Variants in DGLUCY observed in about 807,000 individuals in gnomAD.
DGLUCY encodes the protein D-glutamate cyclase, mitochondrial.
In DGLUCY, 58 loss-of-function variants were observed where a neutral mutation model predicts 58.5. That is an observed-to-expected ratio of 0.99 (90% confidence interval 0.80 to 1.23). DGLUCY has a LOEUF of 1.23. DGLUCY is among the 50% of genes most tolerant of loss of function. The pLI is 0.00. For missense variants in DGLUCY, 779 were observed against 784.7 expected (o/e 0.99, Z 0.09); for synonymous variants, 325 against 314.1 (o/e 1.03, Z -0.37).
intron 1 of DGLUCY, among the ~76,000 whole-genome samples, chr14:91,144,026 A>T (rs11621046): frequency 0.028 from 4,230 of 152,154 alleles, 94 homozygotes; most frequent in Non-Finnish European, 0.045. Flanking sequence ...TCCTCTTCCA[A>T]TCCAAACAGG....
chr14:91,195,216 G>T (rs79032092), intron 9 of DGLUCY, among the ~76,000 whole-genome samples: 1 of 152,174 alleles, frequency 6.6e-6, no homozygotes, highest in Admixed American at 6.5e-5. Flanking sequence ...GCTCCCTGCC[G>T]TCTTAAGCTC....
intron 12 of DGLUCY, among the ~76,000 whole-genome samples, chr14:91,209,786 T>A (rs1031218137): frequency 1.7e-4 from 26 of 152,174 alleles, no homozygotes; most frequent in African/African-American, 6.0e-4. Context: ...AGAAATTCAC[T>A]TTAACTGTAA....
chr14:91,116,626 G>A (rs780109265), intron 1 of DGLUCY, among the ~76,000 whole-genome samples: 17 of 152,094 alleles, frequency 1.1e-4, no homozygotes, highest in South Asian at 4.1e-4. Context: ...ATAGCAAAGT[G>A]GAAGTGAAAG....
At chr14:91,150,951 T>A (rs1232864263) in intron 1 of DGLUCY, among the ~76,000 whole-genome samples, 2 of 152,156 alleles carry the variant, frequency 1.3e-5, no homozygotes, top group Non-Finnish European at 2.9e-5. Context: ...CATTACACGG[T>A]AACTCCCCAT....
intron 13 of DGLUCY, chr14:91,216,225 G>GA: frequency 8.6e-5 from 1 of 11,570 alleles, no homozygotes; most frequent in Non-Finnish European, 1.7e-4. Context: ...TCAGACCGCA[G>GA]GCCCACAAGG....
intron 8 of DGLUCY, among the ~76,000 whole-genome samples, chr14:91,181,726 C>A (rs532378343): frequency 6.8e-6 from 1 of 146,838 alleles, no homozygotes; most frequent in Non-Finnish European, 1.5e-5. Flanking sequence ...CAGGCTGGAA[C>A]AATGGCGTGA....
chr14:91,176,763 G>A (rs1329135139), intron 7 of DGLUCY, among the ~76,000 whole-genome samples: 1 of 151,702 alleles, frequency 6.6e-6, no homozygotes, highest in Non-Finnish European at 1.5e-5. Context: ...CACCACACCT[G>A]GCTAATTTTT....
At chr14:91,077,391 G>A (rs2044040080) in intron 1 of DGLUCY, among the ~76,000 whole-genome samples, 1 of 147,026 alleles carries the variant, frequency 6.8e-6, no homozygotes. Context: ...AGGAAGGAAG[G>A]AAGGAGAGAA....
intron 1 of DGLUCY, chr14:91,147,722 T>TA (rs1476330550): frequency 6.6e-6 from 1 of 152,246 alleles, no homozygotes; most frequent in Non-Finnish European, 1.5e-5. Flanking sequence ...TGTCCCATCA[T>TA]ATCTGCTTCT....
intron 4 of DGLUCY, chr14:91,167,680 G>A: frequency 1.4e-6 from 1 of 703,522 alleles, no homozygotes; most frequent in East Asian, 2.7e-5. Flanking sequence ...AAACCCGCCT[G>A]TACAGGATTA....
chr14:91,075,611 CT>C (rs748799001), intron 1 of DGLUCY, among the ~76,000 whole-genome samples: 11 of 152,118 alleles, frequency 7.2e-5, no homozygotes, highest in Non-Finnish European at 2.9e-5. Flanking sequence ...TTGCTTTAGT[CT>C]TTCTAACTGG....
upstream of DGLUCY, among the ~76,000 whole-genome samples, chr14:91,111,246 GTGTA>G (rs1462438098): frequency 0.15 from 13,071 of 89,656 alleles, 948 homozygotes; most frequent in Admixed American, 0.28. Flanking sequence ...GTGTGTGTGT[GTGTA>G]TATATCTATA....
rs767684409 is a variant in DGLUCY, at chr14:91,199,778, A to G, written c.1317A>G (p.Ile439Met). 40 of 1,614,060 alleles carry G rather than the reference A, an allele frequency of 2.5e-5. No homozygotes were observed. The highest frequency in any genetic ancestry group is 3.2e-5 in the Non-Finnish European group (38 of 1,180,024). The stretch of plus-strand genomic sequence containing the variant: ...GCAGATTTGACCACCTGGTGGCCAT[A>G]GAGCGTGCCGGAAGAGCTGCTGATG... The part of the protein sequence containing the change: ...QTPRFDHLVA[I>M]ERAGRAADGN... The change falls in exon 11 of 14, where the codon ATA becomes ATG. Residue 439 changes from isoleucine to methionine, a missense_variant. Coordinates refer to ENST00000256324, the MANE Select transcript of DGLUCY (RefSeq NM_001102368.3).
chr14:91,167,373 G>C lies in DGLUCY; in HGVS notation c.252G>C (p.Glu84Asp), dbSNP rs1355354453. ...TGCCCCCTCAAGGTGCTATCTCAGA[G>C]ACCAGGTAAAAAGCTTGGGTTACTG... is the stretch of plus-strand genomic sequence containing the variant. ...WMLPPQGAIS[E>D]TRMGHPQFWK... Residue 84 changes from glutamate (E) to aspartate (D), a missense_variant, in exon 4 of 14, where the codon GAG (glutamate) becomes GAC (aspartate). By Grantham distance (45) the Glu-to-Asp change is conservative. Transcript: ENST00000256324. 1 of 1,614,028 alleles carries C rather than the reference G, an allele frequency of 6.2e-7. No homozygotes were observed. The highest frequency in any genetic ancestry group is 1.3e-5 in the African/African-American group (1 of 74,924).
intron 1 of DGLUCY, among the ~76,000 whole-genome samples, chr14:91,157,119 G>GGA (rs1393896750): frequency 3.1e-5 from 4 of 131,050 alleles, no homozygotes; most frequent in Non-Finnish European, 6.6e-5. Context: ...GGATGGATGG[G>GGA]TGGATGGATG....
chr14:91,165,049 A>G (rs1240492646), intron 3 of DGLUCY, among the ~76,000 whole-genome samples: 1 of 152,192 alleles, frequency 6.6e-6, no homozygotes, highest in Non-Finnish European at 1.5e-5. Flanking sequence ...TGGCACTCAA[A>G]TTACAAGACA....
chr14:91,119,521 A>C (rs893442137), intron 1 of DGLUCY, among the ~76,000 whole-genome samples: 1 of 151,564 alleles, frequency 6.6e-6, no homozygotes, highest in African/African-American at 2.4e-5. Flanking sequence ...TTTGCTAGAC[A>C]TTTTTTTTCC....
chr14:91,181,889 C>T (rs1427284502), intron 8 of DGLUCY, among the ~76,000 whole-genome samples: 1 of 151,904 alleles, frequency 6.6e-6, no homozygotes, highest in South Asian at 2.1e-4. Context: ...TCATGATCCG[C>T]CCACCTTGGC....
At chr14:91,076,730 G>T (rs2044028146) in intron 1 of DGLUCY, among the ~76,000 whole-genome samples, 2 of 152,106 alleles carry the variant, frequency 1.3e-5, no homozygotes, top group Admixed American at 1.3e-4. Context: ...TAGGCAGAGG[G>T]GGCAGTGAGA....
Sources: allele counts gnomAD v4.1 joint callset (sites outside exome capture counted in the v4.1 genomes callset), GRCh38; gene constraint gnomAD v4.1.1; transcripts MANE v1.5; gene names NCBI Gene and HGNC (gene_info 2026-07-23, HGNC 2026-07-21).